Variants in WDR59 observed in about 807,000 individuals in gnomAD.
WDR59 encodes GATOR2 complex protein WDR59.
In WDR59, 100 loss-of-function variants were observed where a neutral mutation model predicts 131.2. The ratio of observed to expected loss-of-function variants is 0.76; its 90% CI spans 0.65 to 0.90. The LOEUF (loss-of-function observed/expected upper bound fraction) is 0.90, where lower values mean the gene tolerates loss of function less well. Ranked by LOEUF, WDR59 falls within the 40% of genes least tolerant of loss-of-function variation. The pLI, the probability that WDR59 is intolerant of heterozygous loss-of-function variation, is 0.00. For synonymous variants in WDR59, 601 were observed against 466.2 expected, an observed-to-expected ratio of 1.29 and a Z score of -3.72; for missense variants, 1,203 against 1,262.2, an observed-to-expected ratio of 0.95 and a Z score of 0.71.
rs988035626 is a variant in WDR59, at chr16:74,897,531, C to T, written c.1867-3719G>A. Reference sequence around the variant, plus strand: ...TTCAATGAATTATGAAAATCACAGTCTGTGTTTCCTGGGACTTCTTGAGAC... The same window carrying T: ...TTCAATGAATTATGAAAATCACAGTTTGTGTTTCCTGGGACTTCTTGAGAC... On this transcript the variant is annotated intron_variant, in intron 18 of 25. Coordinates refer to ENST00000262144, the MANE Select transcript of WDR59 (RefSeq NM_030581.4). 2.2e-4 allele frequency among the ~76,000 whole-genome samples: 33 copies of T among 152,318 alleles called. 1 individual carries two copies. Among genetic ancestry groups the T allele is most frequent in the African/African-American group, 6.3e-4 (26 of 41,566 alleles).
Position 74,916,206 on chromosome 16 carries a change from G to A in WDR59, c.1020C>T (p.Ser340=). The stretch of plus-strand genomic sequence containing the variant: ...GGGTCTTCTCAGGTTCCGGCAGAAG[G>A]GAAATACTCTCAATGAACTCATCAA... ...DGVDEFIESI[S]LLPEPEKTLH... Residue 340 remains serine (S), a synonymous_variant, in exon 12 of 26, where the codon TCC becomes TCT. Coordinates refer to ENST00000262144, the MANE Select transcript of WDR59 (RefSeq NM_030581.4). 1.2e-6 allele frequency: 2 copies of A among 1,613,970 alleles called. No homozygotes were observed. Among genetic ancestry groups the A allele is most frequent in the Non-Finnish European group, 1.7e-6 (2 of 1,179,926 alleles).
chr16:74,910,518 T>C (rs1432694132), intron 14 of WDR59, among the ~76,000 whole-genome samples: 7 of 152,160 alleles, frequency 4.6e-5, no homozygotes, highest in African/African-American at 1.7e-4. Flanking sequence ...TCTGCCCTTT[T>C]CCTCACCCCC....
At chr16:74,940,034 T>C (rs1285985742) in intron 7 of WDR59, among the ~76,000 whole-genome samples, 2 of 151,930 alleles carry the variant, frequency 1.3e-5, no homozygotes, top group East Asian at 3.9e-4. Context: ...TGGGTTCAAA[T>C]TTTGGCAGCA....
At chr16:74,932,237 G>A (rs2031456328) in intron 8 of WDR59, among the ~76,000 whole-genome samples, 1 of 151,368 alleles carries the variant, frequency 6.6e-6, no homozygotes, top group African/African-American at 2.4e-5. Context: ...GGGATGACAG[G>A]TGCATGCTAC....
intron 4 of WDR59, among the ~76,000 whole-genome samples, chr16:74,950,374 A>T (rs1256362849): frequency 1.3e-5 from 2 of 152,208 alleles, no homozygotes; most frequent in Non-Finnish European, 2.9e-5. Flanking sequence ...CTCTCTCTAA[A>T]TAAACAAACA....
chr16:74,912,210 A>C lies in WDR59; in HGVS notation c.1377T>G (p.Ala459=), dbSNP rs759584509. Residue 459 remains alanine (A), a synonymous_variant, in exon 14 of 26, where the codon GCT becomes GCG. Transcript: ENST00000262144. ...CCCAGACCCCCACCTTCAGCAGCTTAGCTTTCATGGTGGATGTGATGGTTG... is the reference window on the plus strand; with the variant it reads ...CCCAGACCCCCACCTTCAGCAGCTTCGCTTTCATGGTGGATGTGATGGTTG... The part of the protein sequence containing the change: ...NPTTITSTMK[A]KLLKILKDTA... 1.2e-6 allele frequency: 2 copies of C among 1,614,170 alleles called. No homozygotes were observed. The highest frequency in any genetic ancestry group is 1.7e-6 in the Non-Finnish European group (2 of 1,180,018).
At chr16:74,979,833 C>G (rs1243386347) in intron 1 of WDR59, among the ~76,000 whole-genome samples, 1 of 136,224 alleles carries the variant, frequency 7.3e-6, no homozygotes, top group Admixed American at 8.3e-5. Flanking sequence ...GTCACCACAC[C>G]CGGCCTTTTT....
chr16:74,931,015 T>C (rs1200230988), intron 8 of WDR59, among the ~76,000 whole-genome samples: 1 of 151,892 alleles, frequency 6.6e-6, no homozygotes, highest in African/African-American at 2.4e-5. Flanking sequence ...CAGGTAATGT[T>C]CTAATGAAGA....
Position 74,874,315 on chromosome 16 carries a change from G to A in WDR59, c.2819C>T (p.Thr940Ile). 6.2e-7 allele frequency: 1 copy of A among 1,614,148 alleles called. No individual in the cohort carries two copies. Among genetic ancestry groups the A allele is most frequent in the Non-Finnish European group, 8.5e-7 (1 of 1,180,032 alleles). The change falls in exon 26 of 26, where the codon ACC (threonine) becomes ATC (isoleucine). Residue 940 changes from threonine (T) to isoleucine (I), a missense_variant. Physicochemically the swap from Thr to Ile is moderately conservative, Grantham distance 89. Transcript: ENST00000262144. ...AVRGSSNFCLTCGHGGHTSHM... is the reference protein window; with the variant it reads ...AVRGSSNFCLICGHGGHTSHM... ...GCTGGTGTGGCCACCGTGCCCACAG[G>A]TCAGGCAGAAATTGGACGATCCCCG...
chr16:74,880,506 G>A (rs1322171249), intron 25 of WDR59, among the ~76,000 whole-genome samples: 1 of 152,116 alleles, frequency 6.6e-6, no homozygotes, highest in Non-Finnish European at 1.5e-5. Flanking sequence ...CCATTATGAA[G>A]GGGAGGAGAT....
intron 7 of WDR59, among the ~76,000 whole-genome samples, chr16:74,942,099 C>T (rs78986876): frequency 0.034 from 5,226 of 152,202 alleles, 307 homozygotes; most frequent in African/African-American, 0.12. Context: ...CTGAGGCCAA[C>T]ACAATCAACT....
At chr16:74,924,421 G>C (rs1432310743) in intron 8 of WDR59, among the ~76,000 whole-genome samples, 2 of 151,996 alleles carry the variant, frequency 1.3e-5, no homozygotes, top group Non-Finnish European at 2.9e-5. Context: ...TTTAATCTTT[G>C]TAACAACCAT....
chr16:74,930,351 T>C (rs2145044541), intron 8 of WDR59, among the ~76,000 whole-genome samples: 1 of 152,188 alleles, frequency 6.6e-6, no homozygotes, highest in East Asian at 1.9e-4. Context: ...AATTTCTCTT[T>C]AAAAAATGGA....
chr16:74,926,558 G>A (rs1305662195), intron 8 of WDR59, among the ~76,000 whole-genome samples: 2 of 152,026 alleles, frequency 1.3e-5, no homozygotes. Flanking sequence ...TCTGTAGAAG[G>A]GGATGATCCA....
chr16:74,978,548 T>C (rs2034277622), intron 1 of WDR59, among the ~76,000 whole-genome samples: 1 of 152,086 alleles, frequency 6.6e-6, no homozygotes, highest in South Asian at 2.1e-4. Context: ...AGGCTACACA[T>C]CATATCACAT....
intron 14 of WDR59, among the ~76,000 whole-genome samples, chr16:74,911,521 T>G (rs1437106417): frequency 6.6e-6 from 1 of 152,194 alleles, no homozygotes; most frequent in Non-Finnish European, 1.5e-5. Context: ...CATGGGGCTT[T>G]GTCATGGAGA....
chr16:74,964,860 C>G (rs192661970), intron 2 of WDR59, among the ~76,000 whole-genome samples: 36 of 152,090 alleles, frequency 2.4e-4, no homozygotes, highest in African/African-American at 6.5e-4. Flanking sequence ...GTCAGGAGTT[C>G]GAGGTCAGCC....
At chr16:74,954,978 A>T (rs11644351) in intron 3 of WDR59, among the ~76,000 whole-genome samples, 68,887 of 151,574 alleles carry the variant, frequency 0.45, 15,839 homozygotes, top group East Asian at 0.72. Flanking sequence ...GAATGGGGAG[A>T]AACTGCTTAA....
chr16:74,899,033 G>A (rs1965423178), intron 18 of WDR59, among the ~76,000 whole-genome samples: 1 of 152,182 alleles, frequency 6.6e-6, no homozygotes, highest in Non-Finnish European at 1.5e-5. Flanking sequence ...GCCTTGCACA[G>A]CGTGAGGTCA....
Sources: allele counts gnomAD v4.1 joint callset (sites outside exome capture counted in the v4.1 genomes callset), GRCh38; gene constraint gnomAD v4.1.1; transcripts MANE v1.5; gene names NCBI Gene and HGNC (gene_info 2026-07-23, HGNC 2026-07-21).